CNTLN: variants seen among roughly 807,000 people sequenced by gnomAD.
The protein encoded by CNTLN is centlein, centrosomal protein.
In CNTLN, 212 loss-of-function variants were observed where a neutral mutation model predicts 180.0. The observed-to-expected ratio is 1.18, with a 90% CI of 1.05 to 1.32. CNTLN has a LOEUF of 1.32. CNTLN is among the 40% of genes most tolerant of loss of function. The probability of loss-of-function intolerance (pLI) is 0.00; values close to 1 mark genes in which losing one functional copy is unlikely to be tolerated. For missense variants in CNTLN, 2,095 were observed against 1,610.9 expected, an observed-to-expected ratio of 1.30 and a Z score of -5.14; for synonymous variants, 722 against 563.1, an observed-to-expected ratio of 1.28 and a Z score of -3.99.
intron 8 of CNTLN, among the ~76,000 whole-genome samples, chr9:17,326,630 G>A (rs1179732888): frequency 6.6e-6 from 1 of 152,106 alleles, no homozygotes; most frequent in Non-Finnish European, 1.5e-5. Flanking sequence ...TACAAGTGGA[G>A]TAATCTGACA....
intron 18 of CNTLN, among the ~76,000 whole-genome samples, chr9:17,425,752 C>A (rs1054997701): frequency 1.3e-5 from 2 of 152,066 alleles, no homozygotes; most frequent in East Asian, 1.9e-4. Flanking sequence ...TTTAAAAAAA[C>A]CTTGGATTGG....
At chr9:17,374,434 A>C (rs1256925865) in intron 13 of CNTLN, among the ~76,000 whole-genome samples, 1 of 152,206 alleles carries the variant, frequency 6.6e-6, no homozygotes, top group Non-Finnish European at 1.5e-5. Context: ...TCCCAGCCTG[A>C]ATGGCTCTTA....
intron 6 of CNTLN, among the ~76,000 whole-genome samples, chr9:17,285,052 G>A (rs1828897103): frequency 6.7e-6 from 1 of 148,246 alleles, no homozygotes; most frequent in South Asian, 2.1e-4. Context: ...TGTGCACATT[G>A]TGCAGGTTAG....
At chr9:17,383,570 G>A (rs1434001274) in intron 13 of CNTLN, among the ~76,000 whole-genome samples, 3 of 152,026 alleles carry the variant, frequency 2.0e-5, no homozygotes, top group Non-Finnish European at 2.9e-5. Context: ...AGCCAAAGGA[G>A]TATTAGGAAT....
chr9:17,301,176 G>C, intron 7 of CNTLN: 1 of 985,394 alleles, frequency 1.0e-6, no homozygotes, highest in South Asian at 4.7e-5. Context: ...ATGGACTCTA[G>C]TTCAAACCAG....
rs111595309 is a variant in CNTLN at position 17,194,342 on chromosome 9, A to T, written c.450-31861A>T. ...TATTCTCTGCTTCCCTTATAAACCT[A>T]AATGTCTTTAACAGTATCCAAGTCA... On this transcript the variant is annotated intron_variant, in intron 2 of 25. Transcript: ENST00000380647. Among the ~76,000 whole-genome samples the T allele has an allele frequency of 1.0e-3, 156 of 152,282 alleles. 2 individuals carry two copies. Among genetic ancestry groups the T allele is most frequent in the African/African-American group, 3.7e-3 (152 of 41,562 alleles).
At chr9:17,146,853 T>A (rs1022210025) in intron 2 of CNTLN, among the ~76,000 whole-genome samples, 20 of 152,278 alleles carry the variant, frequency 1.3e-4, no homozygotes, top group African/African-American at 4.8e-4. Context: ...GAATAATTTT[T>A]TAATCTTTCT....
chr9:17,481,704 C>G (rs1457906923), intron 23 of CNTLN, among the ~76,000 whole-genome samples: 1 of 152,238 alleles, frequency 6.6e-6, no homozygotes, highest in Non-Finnish European at 1.5e-5. Context: ...AACTGCAAAG[C>G]CTAACACATG....
intron 10 of CNTLN, among the ~76,000 whole-genome samples, chr9:17,335,878 G>T (rs1204975564): frequency 6.8e-6 from 1 of 147,974 alleles, no homozygotes; most frequent in Non-Finnish European, 1.5e-5. Flanking sequence ...GGAGGCAGAG[G>T]TTGCAGCAAG....
At chr9:17,328,980 TTTGAG>T (rs1405363440) in intron 8 of CNTLN, among the ~76,000 whole-genome samples, 1 of 151,994 alleles carries the variant, frequency 6.6e-6, no homozygotes, top group African/African-American at 2.4e-5. Flanking sequence ...ATGTCTTATA[TTTGAG>T]TTATTTATCA....
At chr9:17,298,465 G>A (rs1818110400) in intron 7 of CNTLN, 113 bp downstream of exon 7, 1 of 1,338,662 alleles carries the variant, frequency 7.5e-7, no homozygotes, top group Non-Finnish European at 9.6e-7. Context: ...CCTTTTACAT[G>A]TGTTTCCTCA....
At position 17,342,391 on chromosome 9, in the gene CNTLN, G is replaced by A; in HGVS notation, c.1833G>A (p.Val611=). 6.2e-7 allele frequency: 1 copy of A among 1,611,750 alleles called. No individual in the cohort carries two copies. The highest frequency in any genetic ancestry group is 1.7e-4 in the Middle Eastern group (1 of 6,050). The change falls in exon 12 of 26, where the codon GTG becomes GTA. Residue 611 remains valine (V), a synonymous_variant. Coordinates refer to ENST00000380647, the MANE Select transcript of CNTLN (RefSeq NM_017738.4). ...QQLRQEDSDA[V]WNELAYFKRE... is the part of the protein sequence containing the mutation. ...TTCGACAAGAAGATTCTGACGCTGT[G>A]TGGAATGAACTGGCATATTTCAAAA...
chr9:17,369,002 T>C (rs1165633035), intron 13 of CNTLN, among the ~76,000 whole-genome samples: 1 of 152,160 alleles, frequency 6.6e-6, no homozygotes, highest in Non-Finnish European at 1.5e-5. Flanking sequence ...TCCATAAGGA[T>C]CAAGACTATC....
chr9:17,518,384 G>C, the CNTLN span, among the ~76,000 whole-genome samples: 1 of 152,004 alleles, frequency 6.6e-6, no homozygotes, highest in Non-Finnish European at 1.5e-5. Flanking sequence ...GCAGTATACT[G>C]TTTATGTGCT....
At chr9:17,454,042 A>G (rs1213610966) in intron 18 of CNTLN, among the ~76,000 whole-genome samples, 1 of 152,192 alleles carries the variant, frequency 6.6e-6, no homozygotes, top group African/African-American at 2.4e-5. Context: ...AGCATATCGT[A>G]TTTCTGGGTC....
At chr9:17,299,991 A>AG (rs1243165974) in intron 7 of CNTLN, 1 of 161,636 alleles carries the variant, frequency 6.2e-6, no homozygotes, top group Non-Finnish European at 1.3e-5. Flanking sequence ...CCTCACTCTT[A>AG]GGATCTCTCC....
chr9:17,389,417 A>G (rs957101637), intron 14 of CNTLN, among the ~76,000 whole-genome samples: 3 of 152,132 alleles, frequency 2.0e-5, no homozygotes, highest in East Asian at 1.9e-4. Context: ...ATGTAATACT[A>G]TGCTACTATT....
At chr9:17,395,739 A>G (rs1421315579) in intron 15 of CNTLN, among the ~76,000 whole-genome samples, 1 of 152,136 alleles carries the variant, frequency 6.6e-6, no homozygotes, top group African/African-American at 2.4e-5. Context: ...GGATACTAAA[A>G]ATCTATAATG....
chr9:17,149,667 G>A (rs531660079), intron 2 of CNTLN, among the ~76,000 whole-genome samples: 14 of 151,628 alleles, frequency 9.2e-5, no homozygotes, highest in Non-Finnish European at 1.8e-4. Context: ...ATAGGCGCCC[G>A]CCACCATGCC....
Sources: gnomAD v4.1 joint callset for allele counts (sites outside exome capture counted in the v4.1 genomes callset) on GRCh38, gnomAD v4.1.1 for gene constraint, MANE v1.5 for transcripts, NCBI Gene and HGNC (gene_info 2026-07-23, HGNC 2026-07-21) for gene names.